TMEM232: variants seen among roughly 807,000 people sequenced by gnomAD.
TMEM232 encodes transmembrane protein 232.
TMEM232 carries 80 observed loss-of-function variants against 78.8 expected under a neutral mutation model. The observed-to-expected ratio is 1.01, with a 90% CI of 0.85 to 1.22. The LOEUF is 1.22. Among genes scored for constraint, TMEM232 ranks in the 50% most tolerant of loss-of-function variants. The pLI, the probability that TMEM232 is intolerant of heterozygous loss-of-function variation, is 0.00. For synonymous variants in TMEM232, 297 were observed against 254.3 expected, an observed-to-expected ratio of 1.17 and a Z score of -1.60; for missense variants, 881 against 742.2, an observed-to-expected ratio of 1.19 and a Z score of -2.17.
At chr5:110,560,344 T>C (rs1775597091) in intron 11 of TMEM232, among the ~76,000 whole-genome samples, 1 of 152,070 alleles carries the variant, frequency 6.6e-6, no homozygotes, top group South Asian at 2.1e-4. Context: ...CAGAAATACA[T>C]AAACATTTGC....
At chr5:110,738,310 G>A (rs1799428101), upstream of TMEM232, 3 of 1,201,072 alleles carry the variant, frequency 2.5e-6, no homozygotes, top group Middle Eastern at 3.0e-4. Flanking sequence ...AATTTTGAAC[G>A]ATATAACTGG....
intron 10 of TMEM232, among the ~76,000 whole-genome samples, chr5:110,587,691 A>ATGTG (rs147127408): frequency 0.16 from 10,321 of 62,650 alleles, 1,096 homozygotes; most frequent in Non-Finnish European, 0.21. Context: ...ATATATATAT[A>ATGTG]TGTGTGTGTG....
intron 2 of TMEM232, among the ~76,000 whole-genome samples, chr5:110,653,501 A>G (rs1788613749): frequency 6.6e-6 from 1 of 152,226 alleles, no homozygotes; most frequent in Admixed American, 6.5e-5. Flanking sequence ...CAGGAACTCG[A>G]AAGGACAGAA....
At chr5:110,657,148 T>C (rs1464528444) in intron 2 of TMEM232, among the ~76,000 whole-genome samples, 1 of 152,188 alleles carries the variant, frequency 6.6e-6, no homozygotes, top group Non-Finnish European at 1.5e-5. Context: ...ACATTGTTGG[T>C]AGGAATGTAC....
At chr5:110,402,501 T>C (rs1755636659) in intron 2 of TMEM232, among the ~76,000 whole-genome samples, 1 of 152,078 alleles carries the variant, frequency 6.6e-6, no homozygotes, top group East Asian at 1.9e-4. Flanking sequence ...ATTTCTTTGA[T>C]TGCAAACAAT....
At chr5:110,687,149 T>C (rs1287063093) in intron 1 of TMEM232, among the ~76,000 whole-genome samples, 3 of 152,102 alleles carry the variant, frequency 2.0e-5, no homozygotes, top group Admixed American at 6.6e-5. Flanking sequence ...CTCAGGGGAG[T>C]TTGAATAGTG....
At chr5:110,446,603 AAT>A (rs1159711485) in intron 12 of TMEM232, among the ~76,000 whole-genome samples, 1 of 152,140 alleles carries the variant, frequency 6.6e-6, no homozygotes. Context: ...TAGAAGATAT[AAT>A]GGTGTAAGAC....
chr5:110,478,832 GTT>G (rs1398748062), intron 12 of TMEM232, among the ~76,000 whole-genome samples: 1 of 148,976 alleles, frequency 6.7e-6, no homozygotes, highest in Non-Finnish European at 1.5e-5. Context: ...GCTAAGCAGT[GTT>G]TTGTCTATGC....
At chr5:110,540,552 G>A (rs1469379405) in intron 11 of TMEM232, among the ~76,000 whole-genome samples, 1 of 152,176 alleles carries the variant, frequency 6.6e-6, no homozygotes, top group Non-Finnish European at 1.5e-5. Context: ...ACATTCATAT[G>A]TTAGCCAGCC....
At chr5:110,691,734 C>T (rs536161995) in intron 1 of TMEM232, among the ~76,000 whole-genome samples, 6 of 152,322 alleles carry the variant, frequency 3.9e-5, no homozygotes, top group Admixed American at 2.6e-4. Context: ...TGCTCATTAA[C>T]ATTTTACCCT....
At chr5:110,719,199 A>G (rs1271569783) in intron 1 of TMEM232, among the ~76,000 whole-genome samples, 1 of 151,786 alleles carries the variant, frequency 6.6e-6, no homozygotes, top group Non-Finnish European at 1.5e-5. Context: ...GTATATATGT[A>G]TATATATGTG....
chr5:110,706,357 T>C (rs1795929941), intron 1 of TMEM232, among the ~76,000 whole-genome samples: 1 of 152,156 alleles, frequency 6.6e-6, no homozygotes, highest in Non-Finnish European at 1.5e-5. Flanking sequence ...TGTTGTTTCT[T>C]TTCTATTGTC....
chr5:110,471,964 T>A (rs1762739352), intron 12 of TMEM232, among the ~76,000 whole-genome samples: 1 of 152,002 alleles, frequency 6.6e-6, no homozygotes, highest in Non-Finnish European at 1.5e-5. Context: ...TATGAACAAC[T>A]ATACACCTAC....
At chr5:110,501,500 C>T (rs867810543) in intron 12 of TMEM232, among the ~76,000 whole-genome samples, 37 of 152,024 alleles carry the variant, frequency 2.4e-4, no homozygotes, top group Non-Finnish European at 8.8e-5. Flanking sequence ...TACAAAGTTA[C>T]AGGATAACTT....
At chr5:110,675,816 C>G (rs1382772739) in intron 1 of TMEM232, among the ~76,000 whole-genome samples, 1 of 152,062 alleles carries the variant, frequency 6.6e-6, no homozygotes, top group African/African-American at 2.4e-5. Context: ...ACCCGCTGAG[C>G]CACTTTCAAG....
At chr5:110,437,699 T>C (rs1269459519) in intron 12 of TMEM232, among the ~76,000 whole-genome samples, 2 of 152,112 alleles carry the variant, frequency 1.3e-5, no homozygotes, top group African/African-American at 4.8e-5. Flanking sequence ...TTAAATGTTA[T>C]GAAGCACCAG....
chr5:110,697,771 T>C (rs552193645), intron 1 of TMEM232, among the ~76,000 whole-genome samples: 46 of 152,246 alleles, frequency 3.0e-4, no homozygotes, highest in South Asian at 8.3e-4. Context: ...CCAGTTAAAA[T>C]GGCGATCATT....
intron 12 of TMEM232, among the ~76,000 whole-genome samples, chr5:110,482,917 A>G (rs138285122): frequency 6.6e-6 from 1 of 150,712 alleles, no homozygotes; most frequent in African/African-American, 2.5e-5. Context: ...ACACTTTCCT[A>G]CAAGAAATAC....
intron 2 of TMEM232, among the ~76,000 whole-genome samples, chr5:110,403,547 A>C (rs1755681410): frequency 1.3e-5 from 2 of 152,060 alleles, no homozygotes; most frequent in African/African-American, 4.8e-5. Flanking sequence ...TTAAAATTAT[A>C]TCAGAAGATA....
Sources: allele counts gnomAD v4.1 joint callset (sites outside exome capture counted in the v4.1 genomes callset), GRCh38; gene constraint gnomAD v4.1.1; transcripts MANE v1.5; gene names NCBI Gene and HGNC (gene_info 2026-07-23, HGNC 2026-07-21).